Variants in FXR1 observed in about 807,000 individuals in gnomAD.
FXR1 encodes the protein FMR1 autosomal homolog 1.
Under a neutral mutation model 84.0 loss-of-function variants are expected in FXR1, and 15 were observed. That is an observed-to-expected ratio of 0.18 (90% CI 0.12 to 0.27). The LOEUF (loss-of-function observed/expected upper bound fraction) is 0.27, where lower values mean the gene tolerates loss of function less well. Among genes scored for constraint, FXR1 ranks in the 10% least tolerant of loss-of-function variants. The pLI, the probability that FXR1 is intolerant of heterozygous loss-of-function variation, is 1.00. For synonymous variants in FXR1, 245 were observed against 250.7 expected, an observed-to-expected ratio of 0.98 and a Z score of 0.21; for missense variants, 480 against 774.4, an observed-to-expected ratio of 0.62 and a Z score of 4.51.
chr3:180,943,651 G>A (rs1386879051), intron 3 of FXR1, among the ~76,000 whole-genome samples: 2 of 152,168 alleles, frequency 1.3e-5, no homozygotes, highest in African/African-American at 4.8e-5. Context: ...AAGTTATGAA[G>A]CTTACAGAAG....
intron 8 of FXR1, among the ~76,000 whole-genome samples, chr3:180,952,359 T>C (rs925152656): frequency 6.6e-6 from 1 of 152,320 alleles, no homozygotes; most frequent in Non-Finnish European, 1.5e-5. Context: ...GCTTCACTTT[T>C]AATTTCAAAA....
rs1422666503 is a variant in FXR1, at chr3:180,982,578, ATTAAG to A, written c.*6291_*6295del. On this transcript the variant is annotated 3_prime_UTR_variant, in exon 17 of 17. Coordinates refer to ENST00000357559, the MANE Select transcript of FXR1 (RefSeq NM_005087.4). Reference sequence around the variant, plus strand: ...TGAACCCTCAAAAGTATTTATACCTATTAAGTTAAATTTCCCTTTTTAGAGTTAAT... The same window carrying A: ...TGAACCCTCAAAAGTATTTATACCTATTAAATTTCCCTTTTTAGAGTTAAT... The A allele has an allele frequency of 1.1e-4, 17 of 152,168 alleles. No homozygotes were observed. The highest frequency in any genetic ancestry group is 1.5e-5 in the Non-Finnish European group (1 of 68,006). 9.4% of individuals were successfully genotyped at this position (152,168 alleles called of 1,614,324 possible).
chr3:180,920,988 T>A (rs1400961855), intron 1 of FXR1, among the ~76,000 whole-genome samples: 1 of 152,218 alleles, frequency 6.6e-6, no homozygotes, highest in Non-Finnish European at 1.5e-5. Flanking sequence ...TTGTCCTTTT[T>A]CTTTTTTCAA....
chr3:180,921,058 T>C (rs1274048134), intron 1 of FXR1, among the ~76,000 whole-genome samples: 1 of 152,190 alleles, frequency 6.6e-6, no homozygotes, highest in East Asian at 1.9e-4. Context: ...TGAATAATTT[T>C]TTTTTCTTAT....
intron 11 of FXR1, 38 bp downstream of exon 11, chr3:180,961,592 C>A: frequency 3.3e-6 from 3 of 896,702 alleles, no homozygotes; most frequent in Non-Finnish European, 5.5e-6. Context: ...GATATTGTTG[C>A]TGCATTTACT....
chr3:180,915,408 A>G (rs1387398907), intron 1 of FXR1: 2 of 774,232 alleles, frequency 2.6e-6, no homozygotes, highest in East Asian at 5.4e-5. Flanking sequence ...TCAGAACGTT[A>G]CGTATATAGA....
intron 3 of FXR1, among the ~76,000 whole-genome samples, chr3:180,936,561 C>T (rs1339878252): frequency 6.6e-6 from 1 of 152,206 alleles, no homozygotes; most frequent in East Asian, 1.9e-4. Context: ...AGCCACCATA[C>T]ATGGCCTGAT....
chr3:180,964,275 C>A (rs187568700), intron 13 of FXR1, among the ~76,000 whole-genome samples: 23 of 152,236 alleles, frequency 1.5e-4, no homozygotes, highest in African/African-American at 4.1e-4. Flanking sequence ...AACCAGTAAT[C>A]ACATAGAAAT....
chr3:180,971,500 T>C (rs1713579718), intron 15 of FXR1: 1 of 152,620 alleles, frequency 6.6e-6, no homozygotes, highest in Non-Finnish European at 1.5e-5. Context: ...TCAAGGTTGA[T>C]TGGCAAAACT....
intron 1 of FXR1, among the ~76,000 whole-genome samples, chr3:180,916,618 G>C (rs1019477201): frequency 6.6e-6 from 1 of 152,142 alleles, no homozygotes; most frequent in African/African-American, 2.4e-5. Context: ...GTGTAGGCCA[G>C]GCTGGCCTCG....
intron 3 of FXR1, among the ~76,000 whole-genome samples, chr3:180,947,289 C>T (rs1038736468): frequency 6.6e-6 from 1 of 152,162 alleles, no homozygotes; most frequent in Non-Finnish European, 1.5e-5. Flanking sequence ...TCAGGTTATC[C>T]ACCCACCTTG....
intron 3 of FXR1, among the ~76,000 whole-genome samples, chr3:180,940,896 G>T (rs1290382788): frequency 1.3e-5 from 2 of 152,100 alleles, no homozygotes; most frequent in African/African-American, 4.8e-5. Context: ...TTTTTGTAAG[G>T]TTTCTTCCTT....
chr3:180,951,516 T>C (rs767215804), intron 8 of FXR1, 48 bp downstream of exon 8: 3 of 1,277,892 alleles, frequency 2.3e-6, no homozygotes, highest in Non-Finnish European at 3.3e-6. Flanking sequence ...TAACCATCTA[T>C]TGTTTGATTA....
At chr3:180,974,082 T>G (rs1265418605) in intron 15 of FXR1, among the ~76,000 whole-genome samples, 1 of 152,168 alleles carries the variant, frequency 6.6e-6, no homozygotes, top group East Asian at 1.9e-4. Flanking sequence ...TGAAACAGTT[T>G]GCAATAGAAA....
chr3:180,970,604 G>T, intron 15 of FXR1: 1 of 157,344 alleles, frequency 6.4e-6, no homozygotes, highest in Non-Finnish European at 1.4e-5. Flanking sequence ...GCCCTTTGAT[G>T]CCATTAAATC....
At chr3:180,934,914 TAATGTAC>T (rs998440660) in intron 2 of FXR1, among the ~76,000 whole-genome samples, 3 of 152,242 alleles carry the variant, frequency 2.0e-5, no homozygotes, top group Non-Finnish European at 4.4e-5. Flanking sequence ...ATTTGGGAGG[TAATGTAC>T]AATTGTTAAC....
Position 180,953,811 on chromosome 3 carries a change from AT to A in FXR1, c.855del (p.Phe285LeufsTer12). 1 of 1,581,776 alleles carries A rather than the reference AT, an allele frequency of 6.3e-7. No individual in the cohort carries two copies. The highest frequency in any genetic ancestry group is 8.7e-7 in the Non-Finnish European group (1 of 1,151,352). ...AGAGGTTTCTTGGAATTTGTGGAGG[AT>A]TTTATTCAGGTTCCTAGGAATCTCG... ...KARGFLEFVE[D>X]FIQVPRNLVG... On this transcript the variant is annotated frameshift_variant, in exon 9 of 17. Coordinates refer to ENST00000357559, the MANE Select transcript of FXR1 (RefSeq NM_005087.4). LOFTEE classifies it high-confidence loss of function.
At chr3:180,913,336 G>A (rs902335242) in intron 1 of FXR1, among the ~76,000 whole-genome samples, 1 of 152,160 alleles carries the variant, frequency 6.6e-6, no homozygotes, top group Non-Finnish European at 1.5e-5. Context: ...GAATTGTGGC[G>A]GGTTGGAATA....
At chr3:180,940,191 GTTTT>G (rs961104431) in intron 3 of FXR1, among the ~76,000 whole-genome samples, 63 of 152,192 alleles carry the variant, frequency 4.1e-4, no homozygotes, top group African/African-American at 1.5e-3. Context: ...CTAATTAGTG[GTTTT>G]TTATTTGCCT....
Sources: gnomAD v4.1 joint callset for allele counts (sites outside exome capture counted in the v4.1 genomes callset) on GRCh38, gnomAD v4.1.1 for gene constraint, MANE v1.5 for transcripts, NCBI Gene and HGNC (gene_info 2026-07-23, HGNC 2026-07-21) for gene names.